Variants in SLC36A1 observed in about 807,000 individuals in gnomAD.
The protein encoded by SLC36A1 is solute carrier family 36 member 1.
A neutral mutation model predicts 47.5 loss-of-function variants in SLC36A1; 30 were observed. That is an observed-to-expected ratio of 0.63 (90% CI 0.47 to 0.86). The LOEUF is 0.86. SLC36A1 is among the 40% of genes least tolerant of loss of function. The probability of loss-of-function intolerance (pLI) is 0.00; values close to 1 mark genes in which losing one functional copy is unlikely to be tolerated. For missense variants in SLC36A1, 517 were observed against 606.0 expected, an observed-to-expected ratio of 0.85 and a Z score of 1.54; for synonymous variants, 255 against 249.7, an observed-to-expected ratio of 1.02 and a Z score of -0.20.
At chr5:151,538,849 T>C in the SLC36A1 span, among the ~76,000 whole-genome samples, 1 of 151,676 alleles carries the variant, frequency 6.6e-6, no homozygotes, top group African/African-American at 2.4e-5. Context: ...GCTAATTTTT[T>C]TTTTTTTTGT....
chr5:151,381,439 G>C, the SLC36A1 span: 1 of 160,762 alleles, frequency 6.2e-6, no homozygotes, highest in Admixed American at 6.5e-5. Context: ...AACTAACTAT[G>C]GAAGAAACTT....
At chr5:151,474,951 G>A (rs1290723357) in intron 8 of SLC36A1, among the ~76,000 whole-genome samples, 1 of 152,176 alleles carries the variant, frequency 6.6e-6, no homozygotes, top group African/African-American at 2.4e-5. Flanking sequence ...TGTCAAAATC[G>A]TGAGAAATCA....
chr5:151,458,304 G>GTGTGTGTATATATA (rs1175105944), intron 1 of SLC36A1, among the ~76,000 whole-genome samples: 58 of 76,584 alleles, frequency 7.6e-4, no homozygotes, highest in African/African-American at 3.9e-3. Flanking sequence ...ACATACACGT[G>GTGTGTGTATATATA]TATATACGTA....
chr5:151,508,751 G>A, the SLC36A1 span, among the ~76,000 whole-genome samples: 1 of 151,764 alleles, frequency 6.6e-6, no homozygotes, highest in Non-Finnish European at 1.5e-5. Flanking sequence ...CATACCCAGA[G>A]TAATCATGGG....
chr5:151,377,183 C>T, the SLC36A1 span, among the ~76,000 whole-genome samples: 1 of 152,058 alleles, frequency 6.6e-6, no homozygotes, highest in Non-Finnish European at 1.5e-5. Flanking sequence ...AATGTATACT[C>T]TGCAATTGTT....
At chr5:151,389,922 C>T in the SLC36A1 span, among the ~76,000 whole-genome samples, 1 of 152,060 alleles carries the variant, frequency 6.6e-6, no homozygotes, top group African/African-American at 2.4e-5. Flanking sequence ...GGGTATTATA[C>T]CCAGTAATGG....
At chr5:151,518,372 A>T in the SLC36A1 span, among the ~76,000 whole-genome samples, 1 of 148,730 alleles carries the variant, frequency 6.7e-6, no homozygotes, top group Non-Finnish European at 1.5e-5. Flanking sequence ...AATAATAATA[A>T]TAATTTTTAA....
chr5:151,383,292 ACT>A, the SLC36A1 span, among the ~76,000 whole-genome samples: 1 of 152,142 alleles, frequency 6.6e-6, no homozygotes, highest in African/African-American at 2.4e-5. Flanking sequence ...ACAGCAGATC[ACT>A]GTTTCCAGGC....
chr5:151,386,747 T>G, the SLC36A1 span, among the ~76,000 whole-genome samples: 1 of 152,206 alleles, frequency 6.6e-6, no homozygotes, highest in South Asian at 2.1e-4. Flanking sequence ...AGAGGCACAG[T>G]CCCACTGACT....
the SLC36A1 span, chr5:151,529,287 G>A: frequency 5.9e-4 from 956 of 1,613,780 alleles, 11 homozygotes; most frequent in African/African-American, 0.012. Context: ...GACCATGACT[G>A]TGGTCACGTC....
At chr5:151,430,291 A>G in the SLC36A1 span, among the ~76,000 whole-genome samples, 207 of 146,584 alleles carry the variant, frequency 1.4e-3, 2 homozygotes, top group African/African-American at 4.9e-3. Context: ...CAGCCTCCCG[A>G]GTAGCTGGGA....
intron 1 of SLC36A1, among the ~76,000 whole-genome samples, chr5:151,450,384 G>A (rs1355674269): frequency 1.3e-5 from 2 of 152,012 alleles, no homozygotes; most frequent in Admixed American, 6.5e-5. Flanking sequence ...ATGTGGGATG[G>A]ATGGGGCAGG....
the SLC36A1 span, chr5:151,381,191 C>G: frequency 2.4e-6 from 1 of 421,494 alleles, no homozygotes; most frequent in South Asian, 2.1e-5. Flanking sequence ...GAGGGACCTG[C>G]TAGCCCATGG....
the SLC36A1 span, among the ~76,000 whole-genome samples, chr5:151,385,007 A>AGTGT: frequency 1.1e-3 from 108 of 102,078 alleles, 2 homozygotes; most frequent in African/African-American, 4.8e-3. Context: ...AGAGAGAGAG[A>AGTGT]GAGTGTGTGT....
chr5:151,521,338 C>A, the SLC36A1 span: 486 of 1,614,008 alleles, frequency 3.0e-4, 5 homozygotes, highest in Non-Finnish European at 8.5e-6. Context: ...CCTGGCGGTG[C>A]TGTACGTGGG....
At chr5:151,528,001 C>G in the SLC36A1 span, 1 of 1,614,028 alleles carries the variant, frequency 6.2e-7, no homozygotes, top group Non-Finnish European at 8.5e-7. Context: ...CTCACCTGTT[C>G]CCGGTCCAGG....
the SLC36A1 span, among the ~76,000 whole-genome samples, chr5:151,408,228 A>AC: frequency 1.3e-5 from 2 of 152,124 alleles, no homozygotes; most frequent in Admixed American, 1.3e-4. Context: ...TCACTCTGTC[A>AC]CCCAGGCTGG....
chr5:151,531,846 C>G, the SLC36A1 span: 1 of 1,614,098 alleles, frequency 6.2e-7, no homozygotes, highest in Non-Finnish European at 8.5e-7. This position sits in a 1 kb window ranked among gnomAD's most constrained non-coding sequence, Gnocchi z 5.7. Flanking sequence ...GGACCGTGAG[C>G]TCCAGTGGTG....
chr5:151,527,377 C>A, the SLC36A1 span: 2 of 1,599,318 alleles, frequency 1.3e-6, no homozygotes, highest in South Asian at 1.1e-5. Flanking sequence ...TAACTAGAGG[C>A]CTATTGCAAA....
Sources: gnomAD v4.1 joint callset for allele counts (sites outside exome capture counted in the v4.1 genomes callset) on GRCh38, gnomAD v4.1.1 for gene constraint, Gnocchi (gnomAD v3.1) non-coding constraint, MANE v1.5 for transcripts, NCBI Gene and HGNC (gene_info 2026-07-23, HGNC 2026-07-21) for gene names.